DIP2C: variants seen among roughly 807,000 people sequenced by gnomAD.
The protein encoded by DIP2C is DIP2 acetate--CoA ligase C (putative).
Under a neutral mutation model 192.4 loss-of-function variants are expected in DIP2C, and 33 were observed. The observed-to-expected ratio is 0.17, with a 90% confidence interval of 0.13 to 0.23. DIP2C has a LOEUF of 0.23. Ranked by LOEUF, DIP2C falls within the 10% of genes least tolerant of loss-of-function variation. The probability of loss-of-function intolerance (pLI) is 1.00; values close to 1 mark genes in which losing one functional copy is unlikely to be tolerated. For missense variants in DIP2C, 1,537 were observed against 2,110.1 expected (o/e 0.73, Z 5.32); for synonymous variants, 979 against 864.1 (o/e 1.13, Z -2.33).
At chr10:575,015 C>T (rs1448355615) in intron 1 of DIP2C, among the ~76,000 whole-genome samples, 1 of 152,130 alleles carries the variant, frequency 6.6e-6, no homozygotes, top group Non-Finnish European at 1.5e-5. Context: ...CACGAAAGGC[C>T]TAGGAGATGC....
chr10:569,671 G>A (rs1269181131), intron 1 of DIP2C, among the ~76,000 whole-genome samples: 1 of 152,074 alleles, frequency 6.6e-6, no homozygotes, highest in Non-Finnish European at 1.5e-5. Context: ...AACTACTGCT[G>A]CAAAATAAAA....
chr10:632,510 T>C (rs1280779575), intron 1 of DIP2C, among the ~76,000 whole-genome samples: 19 of 22,614 alleles, frequency 8.4e-4, no homozygotes, highest in South Asian at 1.9e-3. Flanking sequence ...GAACCCAGAC[T>C]CCACGGCCAG....
At position 274,896 on chromosome 10, in the gene DIP2C, A is replaced by G. The variant is rs1589361534; in HGVS notation, c.*2429T>C. Reference sequence around the variant, plus strand: ...CTCATGAATGATTTATCTACAGTACAATTTTGAATACAGAATGACCCTTCT... The same window carrying G: ...CTCATGAATGATTTATCTACAGTACGATTTTGAATACAGAATGACCCTTCT... On this transcript the variant is annotated 3_prime_UTR_variant, in exon 37 of 37. Coordinates refer to ENST00000280886, the MANE Select transcript of DIP2C (RefSeq NM_014974.3). 6.6e-6 allele frequency: 1 copy of G among 152,328 alleles called. No individual in the cohort carries two copies. The highest frequency in any genetic ancestry group is 2.4e-5 in the African/African-American group (1 of 41,578). 9.4% of individuals were successfully genotyped at this position (152,328 alleles called of 1,614,324 possible).
At chr10:366,201 A>C in intron 19 of DIP2C, 74 bp downstream of exon 19, 1 of 1,575,068 alleles carries the variant, frequency 6.3e-7, no homozygotes, top group Non-Finnish European at 8.6e-7. Flanking sequence ...CACGTCTATC[A>C]CTATGCACCT....
At chr10:645,859 C>A (rs1855421076) in intron 1 of DIP2C, among the ~76,000 whole-genome samples, 1 of 152,214 alleles carries the variant, frequency 6.6e-6, no homozygotes, top group Non-Finnish European at 1.5e-5. Flanking sequence ...GGAAACACTG[C>A]TGACCACTAG....
intron 34 of DIP2C, among the ~76,000 whole-genome samples, chr10:285,171 A>C (rs966572690): frequency 3.3e-5 from 5 of 150,180 alleles, no homozygotes; most frequent in Admixed American, 6.7e-5. Context: ...AAAAAAAAAA[A>C]CACAAGGCCC....
At chr10:527,861 T>C (rs1847148219) in intron 1 of DIP2C, among the ~76,000 whole-genome samples, 1 of 152,326 alleles carries the variant, frequency 6.6e-6, no homozygotes, top group South Asian at 2.1e-4. Flanking sequence ...CTGGGCCAGC[T>C]GCGGTGAGTG....
At chr10:423,081 C>A in intron 4 of DIP2C, 48 bp from the exon 5 acceptor site, 1 of 1,514,864 alleles carries the variant, frequency 6.6e-7, no homozygotes, top group South Asian at 1.3e-5. Flanking sequence ...CAAAAACGTG[C>A]ACCACAATCT....
At chr10:294,807 A>C (rs1167132797) in intron 32 of DIP2C, among the ~76,000 whole-genome samples, 1 of 152,180 alleles carries the variant, frequency 6.6e-6, no homozygotes, top group Non-Finnish European at 1.5e-5. Context: ...CAAAAGCAAA[A>C]ATAAGCAAAT....
chr10:619,512 G>A lies in DIP2C; in HGVS notation c.85+69982C>T, dbSNP rs551983400. On this transcript the variant is annotated intron_variant, in intron 1 of 36. Coordinates refer to ENST00000280886, the MANE Select transcript of DIP2C (RefSeq NM_014974.3). Reference sequence around the variant, plus strand: ...AGAATATCGGGAGCACAGGCTTTATGCCAGGGCCAGGACCAAGCCCGCCCG... The same window carrying A: ...AGAATATCGGGAGCACAGGCTTTATACCAGGGCCAGGACCAAGCCCGCCCG... 2.3e-5 allele frequency among the ~76,000 whole-genome samples: 3 copies of A among 129,242 alleles called. No homozygotes were observed. In the South Asian group the frequency reaches 6.9e-4, roughly 30 times the overall value. The allele number at this position is 129,242 out of a possible 152,430, so 84.8% of individuals were successfully genotyped here. A position where few individuals can be genotyped will look rare whatever the true frequency, so the allele number is the denominator to read the frequency against.
chr10:548,733 G>A (rs549356788), intron 1 of DIP2C, among the ~76,000 whole-genome samples: 26 of 151,892 alleles, frequency 1.7e-4, no homozygotes, highest in South Asian at 4.2e-4. Flanking sequence ...GAGCTTTCAC[G>A]CTCGCACAAC....
chr10:640,728 A>T (rs1382185635), intron 1 of DIP2C, among the ~76,000 whole-genome samples: 5 of 2,028 alleles, frequency 2.5e-3, no homozygotes, highest in Admixed American at 0.022. Context: ...CGCGCGGGGA[A>T]GAGGGTGGGC....
chr10:408,440 G>A (rs1964963416), intron 9 of DIP2C, among the ~76,000 whole-genome samples: 1 of 152,186 alleles, frequency 6.6e-6, no homozygotes, highest in African/African-American at 2.4e-5. Flanking sequence ...AAGAATCCCA[G>A]GCCACGGTCT....
At chr10:595,446 A>G (rs542586566) in intron 1 of DIP2C, among the ~76,000 whole-genome samples, 1 of 152,186 alleles carries the variant, frequency 6.6e-6, no homozygotes, top group Non-Finnish European at 1.5e-5. Flanking sequence ...GTATCTCAAT[A>G]TGTGTTTCCA....
chr10:447,756 G>A (rs1474660069), intron 3 of DIP2C, among the ~76,000 whole-genome samples: 2 of 111,854 alleles, frequency 1.8e-5, no homozygotes, highest in Admixed American at 8.3e-5. Flanking sequence ...AGGGCAGCAG[G>A]ACCCACTCAT....
At chr10:676,498 T>C (rs1289405620) in intron 1 of DIP2C, among the ~76,000 whole-genome samples, 33 of 150,394 alleles carry the variant, frequency 2.2e-4, no homozygotes, top group Non-Finnish European at 8.9e-5. Flanking sequence ...TATGCTCTTA[T>C]ATATTAAAAA....
chr10:673,945 G>C (rs1490228585), intron 1 of DIP2C, among the ~76,000 whole-genome samples: 1 of 152,154 alleles, frequency 6.6e-6, no homozygotes, highest in Non-Finnish European at 1.5e-5. Flanking sequence ...CCTAATAACA[G>C]GAAATGAATT....
Position 625,255 on chromosome 10 carries a change from C to T in DIP2C, c.85+64239G>A, listed in dbSNP as rs181361776. ...CCTCTGCGCAGCCCTCCTCCCCCGC[C>T]GCTTCCCGTCAGGGCAACGTGAAGT... On this transcript the variant is annotated intron_variant, in intron 1 of 36. Coordinates refer to ENST00000280886, the MANE Select transcript of DIP2C (RefSeq NM_014974.3). 3.8e-3 allele frequency among the ~76,000 whole-genome samples: 586 copies of T among 152,320 alleles called. 4 individuals carry two copies. The highest frequency in any genetic ancestry group is 6.7e-3 in the Non-Finnish European group (453 of 68,030).
chr10:465,491 CCT>C (rs1490651857), intron 3 of DIP2C, among the ~76,000 whole-genome samples: 1 of 151,906 alleles, frequency 6.6e-6, no homozygotes, highest in Non-Finnish European at 1.5e-5. Context: ...ACAGGGATGC[CCT>C]CTCTCACCAC....
Sources: gnomAD v4.1 joint callset for allele counts (sites outside exome capture counted in the v4.1 genomes callset) on GRCh38, gnomAD v4.1.1 for gene constraint, MANE v1.5 for transcripts, NCBI Gene and HGNC (gene_info 2026-07-23, HGNC 2026-07-21) for gene names.